Variants in LAMA2 observed in about 807,000 individuals in gnomAD.
LAMA2 encodes laminin subunit alpha 2.
A neutral mutation model predicts 364.8 loss-of-function variants in LAMA2; 269 were observed. The observed-to-expected ratio is 0.74, with a 90% confidence interval of 0.67 to 0.82. The LOEUF is 0.82. LAMA2 is among the 40% of genes least tolerant of loss of function. The probability of loss-of-function intolerance (pLI) is 0.00; values close to 1 mark genes in which losing one functional copy is unlikely to be tolerated. For synonymous variants in LAMA2, 1,379 were observed against 1,370.6 expected (o/e 1.01, Z -0.14); for missense variants, 3,807 against 3,873.2 (o/e 0.98, Z 0.45).
intron 4 of LAMA2, 114 bp downstream of exon 4, chr6:129,098,529 C>A: frequency 7.9e-7 from 1 of 1,258,360 alleles, no homozygotes; most frequent in Non-Finnish European, 1.1e-6. Context: ...TAGGATTTAG[C>A]AAAAGTACAT....
At chr6:129,053,714 T>C (rs1788258643) in intron 2 of LAMA2, among the ~76,000 whole-genome samples, 1 of 152,178 alleles carries the variant, frequency 6.6e-6, no homozygotes, top group Admixed American at 6.5e-5. Context: ...TGGCCATCCA[T>C]TGAACACCTT....
At chr6:129,091,194 C>T (rs1013285482) in intron 3 of LAMA2, among the ~76,000 whole-genome samples, 3 of 152,110 alleles carry the variant, frequency 2.0e-5, no homozygotes, top group Non-Finnish European at 4.4e-5. Flanking sequence ...TTGAGATTTG[C>T]TTTTTTGCAG....
chr6:129,360,705 C>T (rs927400687), intron 32 of LAMA2, among the ~76,000 whole-genome samples: 2 of 152,072 alleles, frequency 1.3e-5, no homozygotes, highest in African/African-American at 2.4e-5. Flanking sequence ...ATGTATGAGC[C>T]CTTGAAAGAG....
intron 34 of LAMA2, among the ~76,000 whole-genome samples, chr6:129,375,565 C>G (rs1778325767): frequency 6.6e-6 from 1 of 152,110 alleles, no homozygotes; most frequent in South Asian, 2.1e-4. Context: ...TCTTTCCTTC[C>G]TTCTTAACAT....
rs888411984 is a variant in LAMA2 at position 128,985,657 on chromosome 6, A to G, written c.113-64261A>G. ...CCTCAAGTACACATTACTTGCTTCAATAATTATCACCCATCAACTAATTTT... is the reference window on the plus strand; with the variant it reads ...CCTCAAGTACACATTACTTGCTTCAGTAATTATCACCCATCAACTAATTTT... On this transcript the variant is annotated intron_variant, in intron 1 of 64. Transcript: ENST00000421865. Among the ~76,000 whole-genome samples, 4 of 152,286 alleles carry G rather than the reference A, an allele frequency of 2.6e-5. No homozygotes were observed. The South Asian group carries it at 8.3e-4, about 32-fold the overall frequency.
chr6:129,499,006 G>T (rs923606807), intron 58 of LAMA2, among the ~76,000 whole-genome samples: 1 of 152,150 alleles, frequency 6.6e-6, no homozygotes, highest in Non-Finnish European at 1.5e-5. Context: ...GGCTTTGGGA[G>T]CATGGCTTCC....
intron 34 of LAMA2, among the ~76,000 whole-genome samples, chr6:129,381,602 A>G (rs545945744): frequency 2.6e-5 from 4 of 152,314 alleles, no homozygotes; most frequent in South Asian, 4.1e-4. Flanking sequence ...AATGGAACAT[A>G]ATTACAACAC....
At chr6:128,998,329 T>G (rs1041561170) in intron 1 of LAMA2, among the ~76,000 whole-genome samples, 3 of 152,206 alleles carry the variant, frequency 2.0e-5, no homozygotes, top group Non-Finnish European at 4.4e-5. Flanking sequence ...GCACAACCTA[T>G]CTCTAGATCT....
In LAMA2 at chr6:129,410,285, G is replaced by C. The variant is rs566744068; in HGVS notation, c.5865+6326G>C. ...AATAGTCTAGTTTAACTTTGATGTAGAAAATTTAGGCAGTCCTCAACCTCT... is the reference window on the plus strand; with the variant it reads ...AATAGTCTAGTTTAACTTTGATGTACAAAATTTAGGCAGTCCTCAACCTCT... On this transcript the variant is annotated intron_variant, in intron 40 of 64. Coordinates refer to ENST00000421865, the MANE Select transcript of LAMA2 (RefSeq NM_000426.4). Among the ~76,000 whole-genome samples the C allele has an allele frequency of 2.7e-5, 4 of 150,170 alleles. No homozygotes were observed. The East Asian group carries it at 7.8e-4, about 29-fold the overall frequency.
At chr6:129,511,664 G>C in intron 62 of LAMA2, among the ~76,000 whole-genome samples, 1 of 151,922 alleles carries the variant, frequency 6.6e-6, no homozygotes, top group Non-Finnish European at 1.5e-5. Context: ...GGTCTAGACA[G>C]ATCTTAACAT....
intron 12 of LAMA2, among the ~76,000 whole-genome samples, chr6:129,198,946 A>C (rs1333059360): frequency 6.6e-6 from 1 of 152,170 alleles, no homozygotes; most frequent in Non-Finnish European, 1.5e-5. Context: ...AAAATTTTTA[A>C]AAATGCAAAA....
chr6:129,260,762 C>T lies in LAMA2; in HGVS notation c.2148C>T (p.Ser716=). The T allele has an allele frequency of 6.2e-7, 1 of 1,612,822 alleles. No individual in the cohort carries two copies. Residue 716 remains serine (S), a synonymous_variant, in exon 15 of 65, where the codon AGC becomes AGT. Coordinates refer to ENST00000421865, the MANE Select transcript of LAMA2 (RefSeq NM_000426.4). ...ESAVSYPTDG[S]IAAAVEVCQC... is the part of the protein sequence containing the mutation. ...CTGTCTCCTATCCTACTGATGGAAG[C>T]ATTGCAGCAGCTGTAGAAGTGTGTC...
intron 11 of LAMA2, among the ~76,000 whole-genome samples, chr6:129,191,518 A>G (rs1240004348): frequency 6.6e-6 from 1 of 152,208 alleles, no homozygotes; most frequent in African/African-American, 2.4e-5. Flanking sequence ...GCCAAGGGGC[A>G]GAGCTGGTAC....
At chr6:129,240,625 A>T (rs1483982272) in intron 12 of LAMA2, among the ~76,000 whole-genome samples, 2 of 152,210 alleles carry the variant, frequency 1.3e-5, no homozygotes, top group East Asian at 3.9e-4. Context: ...GGTGTCATGA[A>T]TTGATCACAG....
In LAMA2 at chr6:129,165,713, G is replaced by T. The variant is rs369442930; in HGVS notation, c.1306+38G>T. The stretch of plus-strand genomic sequence containing the variant: ...GCAGAATGTCACTGCTCTGATAAAA[G>T]GACAACTAAAAGCCAAATATGATTA... On this transcript the variant is annotated intron_variant, in intron 9 of 64. Transcript: ENST00000421865. The T allele has an allele frequency of 7.0e-6, 9 of 1,292,598 alleles. No homozygotes were observed. The African/African-American group carries it at 8.7e-5, about 13-fold the overall frequency. The allele number at this position is 1,292,598 out of a possible 1,614,324, so 80.1% of individuals were successfully genotyped here. A position where few individuals can be genotyped will look rare whatever the true frequency, so the allele number is the denominator to read the frequency against.
chr6:129,288,509 C>T (rs1772308712), intron 19 of LAMA2, among the ~76,000 whole-genome samples: 1 of 152,070 alleles, frequency 6.6e-6, no homozygotes, highest in Non-Finnish European at 1.5e-5. Flanking sequence ...TTTACAGTGT[C>T]GTATTTTGTA....
At chr6:129,144,964 A>G (rs909410008) in intron 5 of LAMA2, among the ~76,000 whole-genome samples, 18 of 151,918 alleles carry the variant, frequency 1.2e-4, no homozygotes, top group Non-Finnish European at 2.5e-4. Context: ...TCACTGGTTT[A>G]TGGCACCTCC....
At chr6:129,349,461 C>T (rs958678550) in intron 31 of LAMA2, 77 bp downstream of exon 31, 4 of 1,159,998 alleles carry the variant, frequency 3.4e-6, no homozygotes, top group Admixed American at 1.7e-5. Context: ...GGAAAACATT[C>T]ATTATTTGAA....
At chr6:129,022,355 T>C (rs1785498212) in intron 1 of LAMA2, among the ~76,000 whole-genome samples, 1 of 152,202 alleles carries the variant, frequency 6.6e-6, no homozygotes, top group Non-Finnish European at 1.5e-5. Flanking sequence ...TTCTACATTT[T>C]TGCTTATTCA....
Sources: gnomAD v4.1 joint callset for allele counts (sites outside exome capture counted in the v4.1 genomes callset) on GRCh38, gnomAD v4.1.1 for gene constraint, MANE v1.5 for transcripts, NCBI Gene and HGNC (gene_info 2026-07-23, HGNC 2026-07-21) for gene names.